The following ADAMTS17 variants were observed in gnomAD, a reference collection of about 807,000 sequenced individuals.
The protein encoded by ADAMTS17 is A disintegrin and metalloproteinase with thrombospondin motifs 17.
In ADAMTS17, 113 loss-of-function variants were observed where a neutral mutation model predicts 141.5. The ratio of observed to expected loss-of-function variants is 0.80; its 90% confidence interval spans 0.69 to 0.93. The LOEUF (loss-of-function observed/expected upper bound fraction) is 0.93. Among genes scored for constraint, ADAMTS17 ranks in the 40% least tolerant of loss-of-function variants. ADAMTS17 has a pLI of 0.00. For missense variants in ADAMTS17, 1,659 were observed against 1,517.9 expected, an observed-to-expected ratio of 1.09 and a Z score of -1.54; for synonymous variants, 768 against 630.6, an observed-to-expected ratio of 1.22 and a Z score of -3.27.
intron 3 of ADAMTS17, 43 bp downstream of exon 3, chr15:100,330,846 T>C (rs1231478721): frequency 1.2e-6 from 2 of 1,608,532 alleles, no homozygotes; most frequent in Non-Finnish European, 1.7e-6. Flanking sequence ...GGATGTGGGC[T>C]GTGCGTGTGT....
At chr15:100,156,439 T>C (rs1042921487) in intron 8 of ADAMTS17, among the ~76,000 whole-genome samples, 1 of 152,154 alleles carries the variant, frequency 6.6e-6, no homozygotes, top group Non-Finnish European at 1.5e-5. Context: ...CCCATGTCCT[T>C]TGGAGGATCC....
In ADAMTS17 at chr15:100,211,139, T is replaced by A. The variant is rs188540536; in HGVS notation, c.1076-11716A>T. 5.2e-3 allele frequency among the ~76,000 whole-genome samples: 740 copies of A among 141,394 alleles called. 10 individuals carry two copies. The highest frequency in any genetic ancestry group is 4.0e-3 in the Non-Finnish European group (269 of 66,902). The allele number at this position is 141,394 out of a possible 152,430, so 92.8% of individuals were successfully genotyped here. Reference sequence around the variant, plus strand: ...ATAAATAAATAAATAAATAAATAAATAAAAATACAAAAATTAGCAGGGCAT... The same window carrying A: ...ATAAATAAATAAATAAATAAATAAAAAAAAATACAAAAATTAGCAGGGCAT... On this transcript the variant is annotated intron_variant, in intron 7 of 21. Coordinates refer to ENST00000268070, the MANE Select transcript of ADAMTS17 (RefSeq NM_139057.4).
At chr15:100,262,575 T>G (rs1286159040) in intron 4 of ADAMTS17, 140 bp from the exon 5 acceptor site, 2 of 608,122 alleles carry the variant, frequency 3.3e-6, no homozygotes, top group Non-Finnish European at 5.6e-6. Flanking sequence ...GACTTTAGTT[T>G]ATAACACTGT....
chr15:100,335,498 G>A (rs1184768046), intron 2 of ADAMTS17, among the ~76,000 whole-genome samples: 1 of 152,164 alleles, frequency 6.6e-6, no homozygotes, highest in African/African-American at 2.4e-5. Flanking sequence ...AGGAGGCTGG[G>A]ACTGCCTTCC....
intron 6 of ADAMTS17, chr15:100,256,597 C>T (rs1358887036): frequency 1.3e-5 from 2 of 152,216 alleles, no homozygotes; most frequent in African/African-American, 2.4e-5. Flanking sequence ...AGAGGGTCCC[C>T]TGGCAGAAGG....
At chr15:100,228,540 C>G (rs889975373) in intron 7 of ADAMTS17, among the ~76,000 whole-genome samples, 1 of 152,126 alleles carries the variant, frequency 6.6e-6, no homozygotes, top group African/African-American at 2.4e-5. Context: ...AAAAGGAAAA[C>G]TCGAGGGTGA....
intron 19 of ADAMTS17, among the ~76,000 whole-genome samples, chr15:99,996,426 C>A (rs1032266772): frequency 6.6e-6 from 1 of 152,202 alleles, no homozygotes; most frequent in African/African-American, 2.4e-5. Context: ...TAATGTTAAA[C>A]TGACAAACGT....
At chr15:100,246,502 A>G (rs1421267341) in intron 7 of ADAMTS17, among the ~76,000 whole-genome samples, 4 of 152,234 alleles carry the variant, frequency 2.6e-5, no homozygotes, top group Non-Finnish European at 5.9e-5. Context: ...TGAATTTGCT[A>G]AAGACTGCAA....
At chr15:100,305,692 G>C (rs1230317769) in intron 3 of ADAMTS17, among the ~76,000 whole-genome samples, 1 of 152,162 alleles carries the variant, frequency 6.6e-6, no homozygotes, top group Non-Finnish European at 1.5e-5. Flanking sequence ...CTTATCGTGA[G>C]GGTGGTTTTA....
At chr15:100,011,347 AG>A (rs369543651) in intron 18 of ADAMTS17, among the ~76,000 whole-genome samples, 16 of 85,724 alleles carry the variant, frequency 1.9e-4, no homozygotes, top group Non-Finnish European at 3.2e-4. Context: ...GAAGGAAAGG[AG>A]GAGGGACGGG....
chr15:100,225,380 G>C (rs1173980978), intron 7 of ADAMTS17, among the ~76,000 whole-genome samples: 1 of 152,286 alleles, frequency 6.6e-6, no homozygotes, highest in Non-Finnish European at 1.5e-5. Context: ...GGACTTGGGG[G>C]AGCTTCCCCG....
At chr15:100,030,163 G>A (rs1434811120) in intron 18 of ADAMTS17, among the ~76,000 whole-genome samples, 1 of 152,120 alleles carries the variant, frequency 6.6e-6, no homozygotes, top group Non-Finnish European at 1.5e-5. Flanking sequence ...CATGATTCAG[G>A]GTAAAGCTCT....
chr15:100,168,171 T>G (rs2040022468), intron 8 of ADAMTS17, among the ~76,000 whole-genome samples: 1 of 152,156 alleles, frequency 6.6e-6, no homozygotes, highest in African/African-American at 2.4e-5. Context: ...AGGATGCAGC[T>G]CATGGCTCCA....
At chr15:100,182,638 G>A (rs148870215) in intron 8 of ADAMTS17, among the ~76,000 whole-genome samples, 1 of 152,298 alleles carries the variant, frequency 6.6e-6, no homozygotes, top group East Asian at 1.9e-4. Context: ...TACTGTGAGT[G>A]CTCACTTGAT....
At chr15:100,303,102 T>C (rs28839802) in intron 3 of ADAMTS17, among the ~76,000 whole-genome samples, 1 of 146,930 alleles carries the variant, frequency 6.8e-6, no homozygotes, top group Non-Finnish European at 1.5e-5. Flanking sequence ...TTTATATATA[T>C]AAAATATATA....
In ADAMTS17 at chr15:100,073,082, C is replaced by CTTG. The variant is rs1489730134; in HGVS notation, c.2138-19029_2138-19028insCAA. 9.5e-4 allele frequency among the ~76,000 whole-genome samples: 145 copies of CTTG among 152,150 alleles called. 1 individual carries two copies. The highest frequency in any genetic ancestry group is 1.2e-3 in the Non-Finnish European group (79 of 67,978). ...AATCTACAAGAAAAAAACAAACAGC[C>CTTG]CCATCAAAAAGTGGGCAAAGGATAT... On this transcript the variant is annotated intron_variant, in intron 15 of 21. Transcript: ENST00000268070.
At chr15:100,228,317 T>C (rs147623875) in intron 7 of ADAMTS17, among the ~76,000 whole-genome samples, 37 of 152,326 alleles carry the variant, frequency 2.4e-4, no homozygotes, top group African/African-American at 8.2e-4. Context: ...TTTATCATCA[T>C]ATCTATTTGT....
chr15:100,295,521 T>C (rs1447181455), intron 3 of ADAMTS17, among the ~76,000 whole-genome samples: 1 of 152,130 alleles, frequency 6.6e-6, no homozygotes. Context: ...CCCTCAGAGG[T>C]GCAGCCATCT....
chr15:100,103,693 C>G (rs1025490561), intron 14 of ADAMTS17, among the ~76,000 whole-genome samples: 1 of 152,144 alleles, frequency 6.6e-6, no homozygotes, highest in Non-Finnish European at 1.5e-5. Flanking sequence ...ATTCTCCTGC[C>G]TCAGCCTCCT....
Sources: gnomAD v4.1 joint callset for allele counts (sites outside exome capture counted in the v4.1 genomes callset) on GRCh38, gnomAD v4.1.1 for gene constraint, MANE v1.5 for transcripts, NCBI Gene and HGNC (gene_info 2026-07-23, HGNC 2026-07-21) for gene names.